CDH11: variants seen among roughly 807,000 people sequenced by gnomAD.
CDH11 encodes the protein cadherin-11.
CDH11 carries 11 observed loss-of-function variants against 67.8 expected under a neutral mutation model. The ratio of observed to expected loss-of-function variants is 0.16; its 90% CI spans 0.10 to 0.27. The LOEUF is 0.27. Among genes scored for constraint, CDH11 ranks in the 10% least tolerant of loss-of-function variants. The probability of loss-of-function intolerance (pLI) is 1.00; values close to 1 mark genes in which losing one functional copy is unlikely to be tolerated. For missense variants in CDH11, 847 were observed against 1,031.2 expected (o/e 0.82, Z 2.45); for synonymous variants, 419 against 400.0 (o/e 1.05, Z -0.57).
intron 7 of CDH11, chr16:64,987,641 C>A (rs35200): frequency 0.26 from 39,946 of 152,014 alleles, 6,023 homozygotes; most frequent in Non-Finnish European, 0.35. Flanking sequence ...TCCACAGGCT[C>A]TTTGACTAGG....
intron 1 of CDH11, among the ~76,000 whole-genome samples, chr16:65,069,415 T>C (rs2074376143): frequency 6.6e-6 from 1 of 152,224 alleles, no homozygotes; most frequent in African/African-American, 2.4e-5. Flanking sequence ...ATTTCTGATA[T>C]GATGGTTAAG....
chr16:65,067,431 C>T (rs983062421), intron 1 of CDH11, among the ~76,000 whole-genome samples: 12 of 152,218 alleles, frequency 7.9e-5, no homozygotes, highest in Admixed American at 3.3e-4. Flanking sequence ...AGTATGCTTT[C>T]GAGGGAAGCA....
intron 8 of CDH11, among the ~76,000 whole-genome samples, chr16:64,980,896 A>T (rs973455846): frequency 1.3e-5 from 2 of 152,000 alleles, no homozygotes; most frequent in African/African-American, 4.8e-5. Context: ...GCTGTGGGAA[A>T]AGAAACCCCT....
intron 1 of CDH11, 94 bp from the exon 2 acceptor site, chr16:65,054,022 C>T (rs756351106): frequency 2.5e-6 from 1 of 399,588 alleles, no homozygotes; most frequent in Non-Finnish European, 5.2e-6. Context: ...ACAGACTTTT[C>T]TCTTAGAAGA....
rs142828408 is a variant in CDH11, at chr16:64,977,719, C to G, written c.1253+4329G>C. Reference sequence around the variant, plus strand: ...CTGGGCTGAAATCCAGTGTTCAATACTGACTGTCCACGTGACTTTAAAGAA... The same window carrying G: ...CTGGGCTGAAATCCAGTGTTCAATAGTGACTGTCCACGTGACTTTAAAGAA... On this transcript the variant is annotated intron_variant, in intron 8 of 12. Coordinates refer to ENST00000268603, the MANE Select transcript of CDH11 (RefSeq NM_001797.4). Among the ~76,000 whole-genome samples the G allele has an allele frequency of 2.2e-3, 340 of 152,302 alleles. 3 individuals are homozygous for G. Among genetic ancestry groups the G allele is most frequent in the African/African-American group, 7.5e-3 (312 of 41,560 alleles).
chr16:65,084,328 T>C (rs2074660645), intron 1 of CDH11, among the ~76,000 whole-genome samples: 1 of 151,588 alleles, frequency 6.6e-6, no homozygotes, highest in African/African-American at 2.4e-5. Flanking sequence ...TGGGGGTACA[T>C]GCCTGTAGTC....
At chr16:65,102,212 C>T (rs117154772) in intron 1 of CDH11, among the ~76,000 whole-genome samples, 2 of 152,182 alleles carry the variant, frequency 1.3e-5, no homozygotes. Flanking sequence ...ATTAAATCCA[C>T]TCAAAGTCTA....
At chr16:64,973,298 T>G (rs1435558667) in intron 8 of CDH11, among the ~76,000 whole-genome samples, 1 of 152,194 alleles carries the variant, frequency 6.6e-6, no homozygotes, top group Admixed American at 6.5e-5. Flanking sequence ...AATAATGTGG[T>G]GCATATTTCT....
intron 1 of CDH11, among the ~76,000 whole-genome samples, chr16:65,120,238 G>C (rs2075302870): frequency 6.6e-6 from 1 of 152,100 alleles, no homozygotes; most frequent in East Asian, 1.9e-4. Context: ...AGGCTCTAGC[G>C]CTCAGAGCCC....
intron 3 of CDH11, among the ~76,000 whole-genome samples, chr16:65,004,438 T>A (rs555509011): frequency 6.6e-6 from 1 of 152,302 alleles, no homozygotes; most frequent in African/African-American, 2.4e-5. Flanking sequence ...ACCTAAGAAG[T>A]ATTCTCAACA....
At chr16:65,061,092 G>C (rs2074231200) in intron 1 of CDH11, among the ~76,000 whole-genome samples, 1 of 152,188 alleles carries the variant, frequency 6.6e-6, no homozygotes, top group Non-Finnish European at 1.5e-5. Flanking sequence ...GATTCCCTTA[G>C]TGTAACATAG....
intron 1 of CDH11, among the ~76,000 whole-genome samples, chr16:65,075,041 T>C (rs551963925): frequency 1.3e-5 from 2 of 152,238 alleles, no homozygotes; most frequent in Admixed American, 1.3e-4. Flanking sequence ...GTCCTACACA[T>C]AGTACACCCT....
At chr16:65,114,403 C>A (rs569569594) in intron 1 of CDH11, among the ~76,000 whole-genome samples, 39 of 152,060 alleles carry the variant, frequency 2.6e-4, no homozygotes, top group African/African-American at 9.2e-4. Flanking sequence ...AGAGTCAGAG[C>A]AGGTTTGGGA....
At chr16:65,034,072 T>C (rs1364315333) in intron 2 of CDH11, among the ~76,000 whole-genome samples, 1 of 152,186 alleles carries the variant, frequency 6.6e-6, no homozygotes, top group Non-Finnish European at 1.5e-5. Flanking sequence ...TTTCAGTAAA[T>C]CTGACATTAT....
chr16:65,114,399 A>G (rs915036401), intron 1 of CDH11, among the ~76,000 whole-genome samples: 1 of 152,188 alleles, frequency 6.6e-6, no homozygotes, highest in Non-Finnish European at 1.5e-5. Context: ...ATTTAGAGTC[A>G]GAGCAGGTTT....
chr16:64,973,393 G>C (rs997573021), intron 8 of CDH11, among the ~76,000 whole-genome samples: 1 of 152,158 alleles, frequency 6.6e-6, no homozygotes, highest in Non-Finnish European at 1.5e-5. Context: ...AAACTACTCA[G>C]AAAGTCACAA....
intron 2 of CDH11, among the ~76,000 whole-genome samples, chr16:65,021,591 A>G (rs981594720): frequency 5.4e-5 from 7 of 128,736 alleles, no homozygotes; most frequent in African/African-American, 1.8e-4. Context: ...TATATATATT[A>G]GTTATCCATG....
At chr16:65,051,837 G>A (rs1275179161) in intron 2 of CDH11, among the ~76,000 whole-genome samples, 1 of 152,128 alleles carries the variant, frequency 6.6e-6, no homozygotes, top group Non-Finnish European at 1.5e-5. Context: ...TAAGTTTCCT[G>A]AGGCTTCCCC....
intron 7 of CDH11, chr16:64,984,627 G>A (rs2072439672): frequency 6.6e-6 from 1 of 152,146 alleles, no homozygotes; most frequent in Non-Finnish European, 1.5e-5. Flanking sequence ...ATTCAAAAAT[G>A]CATGATATTT....
Sources: allele counts gnomAD v4.1 joint callset (sites outside exome capture counted in the v4.1 genomes callset), GRCh38; gene constraint gnomAD v4.1.1; transcripts MANE v1.5; gene names NCBI Gene and HGNC (gene_info 2026-07-23, HGNC 2026-07-21).